Variants in DIP2C observed in about 807,000 individuals in gnomAD.
The protein encoded by DIP2C is DIP2 acetate--CoA ligase C (putative).
Under a neutral mutation model 192.4 loss-of-function variants are expected in DIP2C, and 33 were observed. The observed-to-expected ratio is 0.17, with a 90% confidence interval of 0.13 to 0.23. DIP2C has a LOEUF of 0.23. Among genes scored for constraint, DIP2C ranks in the 10% least tolerant of loss-of-function variants. The pLI, the probability that DIP2C is intolerant of heterozygous loss-of-function variation, is 1.00. For synonymous variants in DIP2C, 979 were observed against 864.1 expected (o/e 1.13, Z -2.33); for missense variants, 1,537 against 2,110.1 (o/e 0.73, Z 5.32).
At chr10:301,559 A>G (rs1956049242) in intron 32 of DIP2C, among the ~76,000 whole-genome samples, 1 of 152,222 alleles carries the variant, frequency 6.6e-6, no homozygotes, top group Admixed American at 6.5e-5. Context: ...AAATTAGAGA[A>G]TGGGATGTAA....
At chr10:424,739 G>A (rs538528477) in intron 4 of DIP2C, among the ~76,000 whole-genome samples, 1 of 152,106 alleles carries the variant, frequency 6.6e-6, no homozygotes, top group Admixed American at 6.6e-5. Context: ...TTTGAGAAAG[G>A]TACACACCCA....
At chr10:481,772 T>A (rs1440433561) in intron 2 of DIP2C, among the ~76,000 whole-genome samples, 2 of 152,094 alleles carry the variant, frequency 1.3e-5, no homozygotes, top group African/African-American at 4.8e-5. Flanking sequence ...ACACTGCACA[T>A]CCATCCTCGT....
At chr10:441,275 C>T (rs1325637970) in intron 3 of DIP2C, 2 of 356,618 alleles carry the variant, frequency 5.6e-6, no homozygotes, top group African/African-American at 4.2e-5. Context: ...GTGAATGGAC[C>T]TTGATCTTTG....
intron 1 of DIP2C, among the ~76,000 whole-genome samples, chr10:608,043 G>A (rs1341333213): frequency 6.6e-6 from 1 of 151,094 alleles, no homozygotes; most frequent in Non-Finnish European, 1.5e-5. Flanking sequence ...ACTAGAATAT[G>A]CACAAATGTT....
At chr10:278,121 G>A (rs1395724825) in intron 36 of DIP2C, among the ~76,000 whole-genome samples, 10 of 151,936 alleles carry the variant, frequency 6.6e-5, no homozygotes, top group African/African-American at 2.2e-4. Flanking sequence ...CCGAGGGCAT[G>A]GGTGCCTACT....
chr10:529,122 C>T (rs1005159953), intron 1 of DIP2C, among the ~76,000 whole-genome samples: 12 of 152,152 alleles, frequency 7.9e-5, no homozygotes, highest in Admixed American at 4.6e-4. Context: ...CCGTTCAATC[C>T]CACAATCTGA....
chr10:578,779 G>A (rs577643591), intron 1 of DIP2C, among the ~76,000 whole-genome samples: 32 of 151,214 alleles, frequency 2.1e-4, no homozygotes, highest in South Asian at 1.2e-3. Flanking sequence ...TACATATAGT[G>A]TACAAGCATA....
intron 3 of DIP2C, among the ~76,000 whole-genome samples, chr10:446,930 C>T (rs1271529848): frequency 1.3e-5 from 2 of 152,228 alleles, no homozygotes; most frequent in Non-Finnish European, 2.9e-5. Context: ...ATCAAGAGAA[C>T]AAACTCAACT....
At chr10:639,802 A>G (rs949204245) in intron 1 of DIP2C, among the ~76,000 whole-genome samples, 1 of 152,218 alleles carries the variant, frequency 6.6e-6, no homozygotes, top group Non-Finnish European at 1.5e-5. Flanking sequence ...GGTACACACA[A>G]ATCAGCGACA....
chr10:416,956 C>T (rs979209040), intron 6 of DIP2C, among the ~76,000 whole-genome samples: 1 of 152,298 alleles, frequency 6.6e-6, no homozygotes, highest in Non-Finnish European at 1.5e-5. Flanking sequence ...GGGAATAGAA[C>T]AGAATTCAAG....
intron 1 of DIP2C, among the ~76,000 whole-genome samples, chr10:490,731 T>A (rs960585883): frequency 1.3e-5 from 2 of 152,178 alleles, no homozygotes. Context: ...AAATAAGTGA[T>A]CTCTTTAGAA....
intron 22 of DIP2C, among the ~76,000 whole-genome samples, chr10:360,124 T>C (rs1564613221): frequency 6.6e-6 from 1 of 152,226 alleles, no homozygotes; most frequent in Non-Finnish European, 1.5e-5. Flanking sequence ...GTTTGCTACA[T>C]GAAGACGTAG....
chr10:449,683 A>G (rs531638843), intron 3 of DIP2C, among the ~76,000 whole-genome samples: 1 of 150,288 alleles, frequency 6.7e-6, no homozygotes, highest in African/African-American at 2.5e-5. Context: ...CTAATGATAG[A>G]TGACACGTTG....
At chr10:343,315 T>C (rs1958252819) in intron 28 of DIP2C, among the ~76,000 whole-genome samples, 1 of 152,124 alleles carries the variant, frequency 6.6e-6, no homozygotes, top group Non-Finnish European at 1.5e-5. Context: ...CACAAGTTGA[T>C]CTGAAGTAGA....
intron 1 of DIP2C, among the ~76,000 whole-genome samples, chr10:555,129 T>C (rs148188018): frequency 1.8e-4 from 27 of 152,266 alleles, no homozygotes; most frequent in African/African-American, 6.5e-4. Flanking sequence ...CTATAAAATG[T>C]AAACCACAAT....
chr10:284,529 T>A (rs1004136094), intron 34 of DIP2C, among the ~76,000 whole-genome samples: 1 of 152,134 alleles, frequency 6.6e-6, no homozygotes, highest in African/African-American at 2.4e-5. Flanking sequence ...ACCTCACTCA[T>A]GTGGAATCTA....
At chr10:375,499 AAAG>A (rs746925694) in intron 17 of DIP2C, among the ~76,000 whole-genome samples, 1 of 152,232 alleles carries the variant, frequency 6.6e-6, no homozygotes, top group Non-Finnish European at 1.5e-5. Flanking sequence ...AACAAAAAGG[AAAG>A]AAGCAGGCCA....
At chr10:327,712 T>G (rs1287702108) in intron 30 of DIP2C, among the ~76,000 whole-genome samples, 2 of 152,184 alleles carry the variant, frequency 1.3e-5, no homozygotes, top group Admixed American at 1.3e-4. Context: ...AAACCTACAT[T>G]TTAATATATA....
At chr10:390,429 A>G in intron 11 of DIP2C, 56 bp from the exon 12 acceptor site, 1 of 1,523,636 alleles carries the variant, frequency 6.6e-7, no homozygotes, top group South Asian at 1.1e-5. Context: ...CGGTCTGTAG[A>G]ATTTCTCCCC....
Sources: gnomAD v4.1 joint callset for allele counts (sites outside exome capture counted in the v4.1 genomes callset) on GRCh38, gnomAD v4.1.1 for gene constraint, MANE v1.5 for transcripts, NCBI Gene and HGNC (gene_info 2026-07-23, HGNC 2026-07-21) for gene names.